Variants in MAGI1 observed in about 807,000 individuals in gnomAD.
MAGI1 encodes the protein membrane associated guanylate kinase, WW and PDZ domain containing 1.
A neutral mutation model predicts 139.9 loss-of-function variants in MAGI1; 58 were observed. The ratio of observed to expected loss-of-function variants is 0.41; its 90% CI spans 0.34 to 0.52. The LOEUF (loss-of-function observed/expected upper bound fraction) is 0.52. Ranked by LOEUF, MAGI1 falls within the 20% of genes least tolerant of loss-of-function variation. The probability of loss-of-function intolerance (pLI) is 0.12; values close to 1 mark genes in which losing one functional copy is unlikely to be tolerated. For synonymous variants in MAGI1, 812 were observed against 737.9 expected, an observed-to-expected ratio of 1.10 and a Z score of -1.63; for missense variants, 1,874 against 1,901.6, an observed-to-expected ratio of 0.99 and a Z score of 0.27.
intron 12 of MAGI1, chr3:65,401,768 T>C (rs1944916011): frequency 7.2e-7 from 1 of 1,397,170 alleles, no homozygotes; most frequent in Non-Finnish European, 9.3e-7. Flanking sequence ...ATTGAACACT[T>C]GGACAGAATC....
chr3:65,999,464 T>C (rs140168750), intron 1 of MAGI1, among the ~76,000 whole-genome samples: 3 of 152,218 alleles, frequency 2.0e-5, no homozygotes, highest in East Asian at 1.9e-4. Context: ...GATATCTTTC[T>C]TTACCCCTCA....
At chr3:65,678,522 C>A (rs1198254803) in intron 1 of MAGI1, among the ~76,000 whole-genome samples, 2 of 152,094 alleles carry the variant, frequency 1.3e-5, no homozygotes, top group Non-Finnish European at 2.9e-5. Context: ...GGGAAACGTA[C>A]ATACAGATGT....
intron 3 of MAGI1, among the ~76,000 whole-genome samples, chr3:65,480,527 C>T (rs1328124062): frequency 7.1e-6 from 1 of 141,368 alleles, no homozygotes; most frequent in Admixed American, 6.9e-5. Context: ...AGAACTAGAT[C>T]CTATCTCAAA....
intron 1 of MAGI1, among the ~76,000 whole-genome samples, chr3:65,976,162 C>G (rs1373984535): frequency 2.6e-5 from 4 of 152,132 alleles, no homozygotes; most frequent in Non-Finnish European, 5.9e-5. Flanking sequence ...TGCTGCTCCT[C>G]CCTAGACAAC....
intron 1 of MAGI1, among the ~76,000 whole-genome samples, chr3:65,701,498 C>T (rs1292591307): frequency 6.6e-6 from 1 of 152,184 alleles, no homozygotes; most frequent in Non-Finnish European, 1.5e-5. Context: ...AGTGATCCGC[C>T]TGCCTCGACC....
At chr3:65,374,348 C>T (rs1162349613) in intron 18 of MAGI1, among the ~76,000 whole-genome samples, 1 of 114,814 alleles carries the variant, frequency 8.7e-6, no homozygotes, top group African/African-American at 3.4e-5. Context: ...AGATGAGTCT[C>T]GCCCTGTTGC....
At chr3:65,570,075 T>G (rs1174748218) in intron 2 of MAGI1, among the ~76,000 whole-genome samples, 2 of 6,076 alleles carry the variant, frequency 3.3e-4, no homozygotes, top group Non-Finnish European at 1.7e-3. Context: ...TTTATTATCA[T>G]TATTATTATT....
At position 65,478,544 on chromosome 3, in the gene MAGI1, G is replaced by A. The variant is rs756305725; in HGVS notation, c.757+48C>T. The A allele has an allele frequency of 2.6e-5, 40 of 1,560,880 alleles. 1 individual carries two copies. Among genetic ancestry groups the A allele is most frequent in the South Asian group, 2.2e-4 (20 of 89,984 alleles). ...CAAAACTCTATGCAAAAGCCTCCTCGTCATCCCTTCCCCAGGTCCATTGAG... is the reference window on the plus strand; with the variant it reads ...CAAAACTCTATGCAAAAGCCTCCTCATCATCCCTTCCCCAGGTCCATTGAG... On this transcript the variant is annotated intron_variant, in intron 4 of 22. Transcript: ENST00000402939.
At chr3:65,546,832 A>T (rs894959584) in intron 2 of MAGI1, among the ~76,000 whole-genome samples, 4 of 152,200 alleles carry the variant, frequency 2.6e-5, no homozygotes, top group African/African-American at 9.6e-5. Flanking sequence ...AAAGTCAATG[A>T]TTGCTTTGCC....
At chr3:65,699,900 TAAAAAA>T (rs1269448349) in intron 1 of MAGI1, among the ~76,000 whole-genome samples, 1 of 141,554 alleles carries the variant, frequency 7.1e-6, no homozygotes, top group East Asian at 2.0e-4. Context: ...ATTAAAAAAA[TAAAAAA>T]AAAAAGAAAT....
chr3:65,370,311 T>C (rs148662350), intron 18 of MAGI1, among the ~76,000 whole-genome samples: 1 of 152,298 alleles, frequency 6.6e-6, no homozygotes, highest in African/African-American at 2.4e-5. Context: ...TCTGCCAGAC[T>C]TGATTCCCTT....
chr3:65,933,466 A>G (rs982570380), intron 1 of MAGI1, among the ~76,000 whole-genome samples: 3 of 152,172 alleles, frequency 2.0e-5, no homozygotes, highest in Admixed American at 2.0e-4. Context: ...TATAGCAGCT[A>G]GCCTTCCCCA....
chr3:65,876,520 T>C (rs1454622788), intron 1 of MAGI1, among the ~76,000 whole-genome samples: 1 of 151,822 alleles, frequency 6.6e-6, no homozygotes, highest in Non-Finnish European at 1.5e-5. Context: ...TAACAGAAAA[T>C]AACAATAGAT....
At position 66,018,461 on chromosome 3, in the gene MAGI1, C is replaced by CA. The variant is rs544096941; in HGVS notation, c.313+19534dup. Among the ~76,000 whole-genome samples, 882 of 152,198 alleles carry CA rather than the reference C, an allele frequency of 5.8e-3. 9 individuals are homozygous for CA. The highest frequency in any genetic ancestry group is 0.019 in the African/African-American group (800 of 41,534). ...CTCCAGCCAGGCACAAAGAGCCAGG[C>CA]ATTTTTTTTTTAATAGATGCAGAAA... On this transcript the variant is annotated intron_variant, in intron 1 of 22. Coordinates refer to ENST00000402939, the MANE Select transcript of MAGI1 (RefSeq NM_001033057.2).
intron 1 of MAGI1, among the ~76,000 whole-genome samples, chr3:65,739,659 A>T (rs994443656): frequency 6.6e-6 from 1 of 152,142 alleles, no homozygotes; most frequent in African/African-American, 2.4e-5. Context: ...CAGGGTATTA[A>T]TTGACTTAAT....
At chr3:65,538,144 C>A (rs1190178108) in intron 2 of MAGI1, among the ~76,000 whole-genome samples, 1 of 152,078 alleles carries the variant, frequency 6.6e-6, no homozygotes, top group African/African-American at 2.4e-5. Flanking sequence ...TCAACAAAAA[C>A]AAAGACATAA....
intron 5 of MAGI1, among the ~76,000 whole-genome samples, chr3:65,453,557 T>C (rs1304200410): frequency 6.6e-6 from 1 of 152,142 alleles, no homozygotes; most frequent in Non-Finnish European, 1.5e-5. Flanking sequence ...TAACATATGA[T>C]TATTCAATTA....
chr3:65,948,222 G>A, intron 1 of MAGI1, among the ~76,000 whole-genome samples: 1 of 152,100 alleles, frequency 6.6e-6, no homozygotes, highest in Non-Finnish European at 1.5e-5. Flanking sequence ...GGGATTACAG[G>A]CATGAGCCAC....
intron 1 of MAGI1, among the ~76,000 whole-genome samples, chr3:65,752,141 G>T (rs1236106414): frequency 6.6e-6 from 1 of 152,048 alleles, no homozygotes; most frequent in Non-Finnish European, 1.5e-5. Context: ...TACAAACAGG[G>T]TTTCACCATG....
Sources: gnomAD v4.1 joint callset for allele counts (sites outside exome capture counted in the v4.1 genomes callset) on GRCh38, gnomAD v4.1.1 for gene constraint, MANE v1.5 for transcripts, NCBI Gene and HGNC (gene_info 2026-07-23, HGNC 2026-07-21) for gene names.